Variants in CDC42SE2 observed in about 807,000 individuals in gnomAD.
CDC42SE2 encodes CDC42 small effector protein 2.
A neutral mutation model predicts 11.5 loss-of-function variants in CDC42SE2; 3 were observed. The observed-to-expected ratio is 0.26, with a 90% CI of 0.12 to 0.67. CDC42SE2 has a LOEUF of 0.67. CDC42SE2 is among the 30% of genes least tolerant of loss of function. The pLI, the probability that CDC42SE2 is intolerant of heterozygous loss-of-function variation, is 0.80. For synonymous variants in CDC42SE2, 33 were observed against 34.8 expected (o/e 0.95, Z 0.18); for missense variants, 82 against 106.8 (o/e 0.77, Z 1.02).
intron 1 of CDC42SE2, among the ~76,000 whole-genome samples, chr5:131,247,267 T>A (rs942215621): frequency 1.3e-5 from 2 of 152,234 alleles, no homozygotes; most frequent in Non-Finnish European, 2.9e-5. Flanking sequence ...TTAGAAAATG[T>A]ATGTATATAA....
intron 1 of CDC42SE2, among the ~76,000 whole-genome samples, chr5:131,246,150 C>G (rs975361736): frequency 6.6e-6 from 1 of 152,144 alleles, no homozygotes; most frequent in African/African-American, 2.4e-5. Context: ...TTATTGACTT[C>G]TAGTCAGGGC....
At chr5:131,278,791 CT>C (rs1163849368) in intron 1 of CDC42SE2, among the ~76,000 whole-genome samples, 69 of 51,282 alleles carry the variant, frequency 1.3e-3, no homozygotes, top group Middle Eastern at 7.9e-3. Context: ...CCCCTCCCTT[CT>C]TTTTTTTTTT....
chr5:131,326,986 A>G (rs1006919483), intron 2 of CDC42SE2, among the ~76,000 whole-genome samples: 4 of 152,010 alleles, frequency 2.6e-5, no homozygotes, highest in Non-Finnish European at 4.4e-5. Context: ...CTTAAGTATT[A>G]CTCATATTGC....
At chr5:131,260,589 C>T (rs961349689), upstream of CDC42SE2, among the ~76,000 whole-genome samples, 1 of 147,404 alleles carries the variant, frequency 6.8e-6, no homozygotes, top group African/African-American at 2.5e-5. Flanking sequence ...TGCACCACTG[C>T]ACTCCAGCCT....
the CDC42SE2 span, among the ~76,000 whole-genome samples, chr5:131,227,975 ATTAGGAG>A: frequency 2.8e-4 from 43 of 152,322 alleles, 1 homozygote; most frequent in South Asian, 8.9e-3. Context: ...ATCACTTGAG[ATTAGGAG>A]TTAGAGACCA....
At chr5:131,292,526 C>T (rs1429374835) in intron 1 of CDC42SE2, among the ~76,000 whole-genome samples, 1 of 146,706 alleles carries the variant, frequency 6.8e-6, no homozygotes, top group Non-Finnish European at 1.5e-5. Flanking sequence ...CGAGACTGCA[C>T]TCCAGCCCGG....
chr5:131,230,543 A>G, the CDC42SE2 span, among the ~76,000 whole-genome samples: 5 of 152,234 alleles, frequency 3.3e-5, no homozygotes, highest in East Asian at 7.7e-4. Context: ...AGGCTGCTGC[A>G]GAAGAAAACA....
At chr5:131,321,874 G>A (rs1480600591) in intron 2 of CDC42SE2, among the ~76,000 whole-genome samples, 1 of 152,042 alleles carries the variant, frequency 6.6e-6, no homozygotes, top group Non-Finnish European at 1.5e-5. Flanking sequence ...GTTTTGAGAC[G>A]GAGTCTCGCT....
chr5:131,279,332 C>T (rs984953825), intron 1 of CDC42SE2, among the ~76,000 whole-genome samples: 6 of 152,030 alleles, frequency 3.9e-5, no homozygotes, highest in South Asian at 2.1e-4. Flanking sequence ...ATCTTCAGAT[C>T]CTCTGACAGA....
At chr5:131,294,237 A>G (rs781778885) in intron 1 of CDC42SE2, among the ~76,000 whole-genome samples, 3 of 152,156 alleles carry the variant, frequency 2.0e-5, no homozygotes, top group Non-Finnish European at 4.4e-5. Flanking sequence ...CCAATCTGAT[A>G]TACTCTGTGA....
Position 131,359,413 on chromosome 5 carries a change from G to A in CDC42SE2, c.-81G>A, listed in dbSNP as rs1749644474. 4.1e-6 allele frequency: 4 copies of A among 965,872 alleles called. No individual in the cohort carries two copies. The highest frequency in any genetic ancestry group is 3.2e-5 in the African/African-American group (2 of 62,586). 59.8% of individuals were successfully genotyped at this position (965,872 alleles called of 1,614,324 possible). A position where few individuals can be genotyped will look rare whatever the true frequency, so the allele number is the denominator to read the frequency against. The stretch of plus-strand genomic sequence containing the variant: ...CATCTTGGCATCACTGGACATCATC[G>A]TATTGAGGAGCGTATTTTTGGAACT... On this transcript the variant is annotated 5_prime_UTR_variant, in exon 3 of 5. Coordinates refer to ENST00000505065, the MANE Select transcript of CDC42SE2 (RefSeq NM_001375635.1).
At chr5:131,278,250 C>G (rs1263763786) in intron 1 of CDC42SE2, among the ~76,000 whole-genome samples, 1 of 152,162 alleles carries the variant, frequency 6.6e-6, no homozygotes, top group East Asian at 1.9e-4. Context: ...TCCCAAAGTG[C>G]TGGGATTACA....
chr5:131,237,434 T>C, the CDC42SE2 span, among the ~76,000 whole-genome samples: 1 of 152,226 alleles, frequency 6.6e-6, no homozygotes. Context: ...TGGGTTGCCT[T>C]TCTGATTTTT....
At chr5:131,363,034 C>T (rs1044032495) in intron 3 of CDC42SE2, among the ~76,000 whole-genome samples, 2 of 151,936 alleles carry the variant, frequency 1.3e-5, no homozygotes, top group African/African-American at 2.4e-5. Flanking sequence ...GTCCTAGCTA[C>T]TCCGGAGGCT....
chr5:131,373,164 GT>G (rs753858586), intron 3 of CDC42SE2, among the ~76,000 whole-genome samples: 42 of 152,096 alleles, frequency 2.8e-4, no homozygotes, highest in Non-Finnish European at 3.8e-4. Context: ...GTTGGACTGG[GT>G]TTATATGTAT....
At chr5:131,224,995 A>G in the CDC42SE2 span, among the ~76,000 whole-genome samples, 2 of 152,044 alleles carry the variant, frequency 1.3e-5, no homozygotes, top group Non-Finnish European at 2.9e-5. Context: ...GGGGGTCCAC[A>G]TGAAGCAGCT....
chr5:131,322,594 G>C (rs987040205), intron 2 of CDC42SE2, among the ~76,000 whole-genome samples: 2 of 152,096 alleles, frequency 1.3e-5, no homozygotes, highest in Non-Finnish European at 2.9e-5. Flanking sequence ...TAGTACTCTG[G>C]CATCAGTCTT....
the CDC42SE2 span, among the ~76,000 whole-genome samples, chr5:131,234,680 GAGA>G: frequency 1.3e-5 from 2 of 151,460 alleles, no homozygotes; most frequent in East Asian, 3.9e-4. Flanking sequence ...GATAGATAAA[GAGA>G]AGATTTGTTA....
chr5:131,280,156 C>T (rs73262388), intron 1 of CDC42SE2, among the ~76,000 whole-genome samples: 15 of 152,308 alleles, frequency 9.8e-5, no homozygotes, highest in African/African-American at 3.6e-4. Context: ...TGGATTTGAA[C>T]TGGTGCTACT....
Sources: allele counts gnomAD v4.1 joint callset (sites outside exome capture counted in the v4.1 genomes callset), GRCh38; gene constraint gnomAD v4.1.1; transcripts MANE v1.5; gene names NCBI Gene and HGNC (gene_info 2026-07-23, HGNC 2026-07-21).